Variants in ANTXR2 observed in about 807,000 individuals in gnomAD.
ANTXR2 encodes the protein anthrax toxin receptor 2.
In ANTXR2, 44 loss-of-function variants were observed where a neutral mutation model predicts 73.7. That is an observed-to-expected ratio of 0.60 (90% CI 0.47 to 0.77). ANTXR2 has a LOEUF of 0.77. Ranked by LOEUF, ANTXR2 falls within the 30% of genes least tolerant of loss-of-function variation. The pLI, the probability that ANTXR2 is intolerant of heterozygous loss-of-function variation, is 0.00. For missense variants in ANTXR2, 604 were observed against 592.5 expected, an observed-to-expected ratio of 1.02 and a Z score of -0.20; for synonymous variants, 217 against 205.9, an observed-to-expected ratio of 1.05 and a Z score of -0.46.
chr4:79,979,337 T>C (rs1206746612), intron 14 of ANTXR2, among the ~76,000 whole-genome samples: 1 of 151,714 alleles, frequency 6.6e-6, no homozygotes, highest in African/African-American at 2.4e-5. Context: ...AGTGAAGCTC[T>C]AAAAACCTAT....
At chr4:79,983,157 A>G (rs1402569592) in intron 14 of ANTXR2, among the ~76,000 whole-genome samples, 1 of 152,126 alleles carries the variant, frequency 6.6e-6, no homozygotes, top group Non-Finnish European at 1.5e-5. Flanking sequence ...CAATGTGTTC[A>G]TGAAAAAATC....
At chr4:79,954,598 A>G (rs1234089362) in intron 16 of ANTXR2, among the ~76,000 whole-genome samples, 3 of 152,146 alleles carry the variant, frequency 2.0e-5, no homozygotes, top group Non-Finnish European at 4.4e-5. Context: ...AGATGAGAGC[A>G]AGACCCCAGA....
At chr4:79,957,375 T>C (rs1728928912) in intron 16 of ANTXR2, among the ~76,000 whole-genome samples, 1 of 152,120 alleles carries the variant, frequency 6.6e-6, no homozygotes, top group African/African-American at 2.4e-5. Flanking sequence ...GTTTCATTTG[T>C]ATGTTTTCCT....
chr4:80,022,365 A>G (rs935229305), intron 10 of ANTXR2, among the ~76,000 whole-genome samples: 2 of 152,208 alleles, frequency 1.3e-5, no homozygotes, highest in Admixed American at 1.3e-4. Flanking sequence ...ACACAGTTAC[A>G]TCTGCTTTTA....
chr4:79,944,961 T>C (rs1472629041), intron 16 of ANTXR2, among the ~76,000 whole-genome samples: 2 of 152,168 alleles, frequency 1.3e-5, no homozygotes, highest in Non-Finnish European at 2.9e-5. Flanking sequence ...AAATCAAGCA[T>C]AAATGCATTT....
chr4:80,072,092 C>G (rs1043528069), intron 1 of ANTXR2, among the ~76,000 whole-genome samples: 5 of 152,178 alleles, frequency 3.3e-5, no homozygotes, highest in Admixed American at 2.6e-4. Context: ...TGGGTAAGGA[C>G]TCTGTGGCCG....
At chr4:80,060,405 T>C (rs1050541037) in intron 3 of ANTXR2, among the ~76,000 whole-genome samples, 30 of 152,326 alleles carry the variant, frequency 2.0e-4, no homozygotes, top group Middle Eastern at 6.8e-3. Context: ...TCTTGTGTTA[T>C]TGGAATGCGT....
intron 12 of ANTXR2, among the ~76,000 whole-genome samples, chr4:80,002,069 C>T (rs928662832): frequency 2.2e-4 from 34 of 152,104 alleles, no homozygotes; most frequent in Non-Finnish European, 4.0e-4. Context: ...CTTTAAAGTT[C>T]GTATGGAACC....
intron 3 of ANTXR2, among the ~76,000 whole-genome samples, chr4:80,063,635 G>A (rs1037492113): frequency 5.3e-5 from 8 of 151,906 alleles, no homozygotes; most frequent in Admixed American, 1.3e-4. Flanking sequence ...AACAGTTAGG[G>A]ATTTTGTTTT....
At chr4:80,046,792 A>G (rs1733531796) in intron 7 of ANTXR2, among the ~76,000 whole-genome samples, 1 of 151,816 alleles carries the variant, frequency 6.6e-6, no homozygotes, top group African/African-American at 2.4e-5. Context: ...CCATTTTGGT[A>G]ATACAAAACA....
At chr4:80,032,454 GT>G (rs1329210090) in intron 9 of ANTXR2, among the ~76,000 whole-genome samples, 3 of 151,818 alleles carry the variant, frequency 2.0e-5, no homozygotes, top group Admixed American at 1.3e-4. Context: ...TATGAAGAGA[GT>G]TTGTAAATTT....
intron 11 of ANTXR2, among the ~76,000 whole-genome samples, chr4:80,011,313 A>ATCTATCTATCTATCTG (rs1418775312): frequency 2.6e-5 from 3 of 116,786 alleles, no homozygotes; most frequent in South Asian, 2.8e-4. Context: ...CTATCTATCT[A>ATCTATCTATCTATCTG]TCTGTCTATC....
intron 14 of ANTXR2, among the ~76,000 whole-genome samples, chr4:79,980,120 C>A (rs532560183): frequency 6.6e-6 from 1 of 152,234 alleles, no homozygotes; most frequent in Non-Finnish European, 1.5e-5. Context: ...TGTGGCATTT[C>A]TAGGTACTAC....
At chr4:79,974,963 T>C (rs1258460413) in intron 16 of ANTXR2, among the ~76,000 whole-genome samples, 1 of 152,226 alleles carries the variant, frequency 6.6e-6, no homozygotes, top group Non-Finnish European at 1.5e-5. Context: ...TGTTAGGCAC[T>C]AGGTAAATAT....
At chr4:79,921,321 C>T (rs1208951579) in intron 16 of ANTXR2, among the ~76,000 whole-genome samples, 1 of 151,982 alleles carries the variant, frequency 6.6e-6, no homozygotes, top group Admixed American at 6.6e-5. Context: ...TCTAGTGATA[C>T]ATTGATTTAT....
At chr4:80,054,170 C>A (rs920793109) in intron 7 of ANTXR2, 102 bp downstream of exon 7, 3 of 856,318 alleles carry the variant, frequency 3.5e-6, no homozygotes, top group Non-Finnish European at 5.4e-6. Context: ...AATCTCTTTC[C>A]TCTAGATAAT....
chr4:80,010,756 A>C (rs536169154), intron 11 of ANTXR2, among the ~76,000 whole-genome samples: 1 of 152,322 alleles, frequency 6.6e-6, no homozygotes, highest in Non-Finnish European at 1.5e-5. Flanking sequence ...AAAAGCCTCC[A>C]TTAGTAGCAT....
chr4:79,928,501 T>C (rs1414774055), intron 16 of ANTXR2, among the ~76,000 whole-genome samples: 4 of 152,190 alleles, frequency 2.6e-5, no homozygotes, highest in Non-Finnish European at 5.9e-5. Context: ...ATTCAAATCG[T>C]AAGTCTTATG....
At chr4:79,925,090 A>G (rs1727732142) in intron 16 of ANTXR2, among the ~76,000 whole-genome samples, 1 of 152,088 alleles carries the variant, frequency 6.6e-6, no homozygotes, top group South Asian at 2.1e-4. Context: ...GTCAACACCA[A>G]TCTTTTGAAC....
Sources: allele counts gnomAD v4.1 joint callset (sites outside exome capture counted in the v4.1 genomes callset), GRCh38; gene constraint gnomAD v4.1.1; transcripts MANE v1.5; gene names NCBI Gene and HGNC (gene_info 2026-07-23, HGNC 2026-07-21).